C12orf42: variants seen among roughly 807,000 people sequenced by gnomAD.
C12orf42 encodes uncharacterized protein C12orf42.
C12orf42 carries 25 observed loss-of-function variants against 21.6 expected under a neutral mutation model. That is an observed-to-expected ratio of 1.16 (90% CI 0.84 to 1.62). C12orf42 has a LOEUF of 1.62. C12orf42 is among the 40% of genes most tolerant of loss of function. C12orf42 has a pLI of 0.00. For synonymous variants in C12orf42, 174 were observed against 175.0 expected (o/e 0.99, Z 0.05); for missense variants, 483 against 459.3 (o/e 1.05, Z -0.47).
the C12orf42 span, among the ~76,000 whole-genome samples, chr12:103,210,639 C>CTTTCT: frequency 2.6e-5 from 2 of 77,640 alleles, no homozygotes; most frequent in Admixed American, 1.5e-4. Flanking sequence ...CCCTCTATTT[C>CTTTCT]TTTTTTTTTT....
At chr12:103,528,116 G>A in the C12orf42 span, among the ~76,000 whole-genome samples, 161 of 152,276 alleles carry the variant, frequency 1.1e-3, 1 homozygote, top group African/African-American at 3.6e-3. Context: ...GATTTCATGG[G>A]ATGAATGAAT....
At chr12:103,149,051 G>C in the C12orf42 span, among the ~76,000 whole-genome samples, 1 of 152,104 alleles carries the variant, frequency 6.6e-6, no homozygotes, top group Non-Finnish European at 1.5e-5. Context: ...TAGAGGGTCA[G>C]GTGGCCCACA....
intron 4 of C12orf42, among the ~76,000 whole-genome samples, chr12:103,344,256 T>C (rs1016660902): frequency 6.6e-6 from 1 of 152,196 alleles, no homozygotes; most frequent in African/African-American, 2.4e-5. Context: ...ATTAATCTAA[T>C]TCAAACTTCC....
At chr12:103,301,794 CAA>C (rs1196119771), downstream of C12orf42, 1 of 259,626 alleles carries the variant, frequency 3.9e-6, no homozygotes, top group Non-Finnish European at 7.2e-6. Context: ...GAAAGCAAAA[CAA>C]AGAGGGGTCC....
At chr12:103,192,370 G>T in the C12orf42 span, among the ~76,000 whole-genome samples, 9 of 152,162 alleles carry the variant, frequency 5.9e-5, no homozygotes, top group Non-Finnish European at 1.5e-5. Flanking sequence ...GGGTGTGGTG[G>T]AGTGTGCCTG....
chr12:103,359,338 T>C (rs1853255280), intron 4 of C12orf42, among the ~76,000 whole-genome samples: 1 of 152,074 alleles, frequency 6.6e-6, no homozygotes, highest in Admixed American at 6.6e-5. Flanking sequence ...TTTGTAACCA[T>C]TATCAAAATT....
chr12:103,457,165 T>C (rs1952355245), intron 2 of C12orf42, among the ~76,000 whole-genome samples: 1 of 152,110 alleles, frequency 6.6e-6, no homozygotes, highest in African/African-American at 2.4e-5. Flanking sequence ...ACTGGAATTA[T>C]TTATTTATTT....
the C12orf42 span, among the ~76,000 whole-genome samples, chr12:103,085,699 A>G: frequency 1.3e-5 from 2 of 152,270 alleles, no homozygotes; most frequent in South Asian, 2.1e-4. Context: ...GAAACCATTA[A>G]TTTTACTATG....
chr12:103,436,167 G>A (rs1174712107), intron 2 of C12orf42, among the ~76,000 whole-genome samples: 1 of 150,568 alleles, frequency 6.6e-6, no homozygotes, highest in Non-Finnish European at 1.5e-5. Context: ...CATAAGTGAA[G>A]GAGAAATAAA....
chr12:103,321,066 A>C (rs979513439), intron 4 of C12orf42, among the ~76,000 whole-genome samples: 3 of 152,206 alleles, frequency 2.0e-5, no homozygotes, highest in Non-Finnish European at 4.4e-5. Context: ...TTTTTTTAAA[A>C]ATTTCTGGTT....
At chr12:103,269,534 A>G (rs759071140) in intron 6 of C12orf42, among the ~76,000 whole-genome samples, 1 of 152,202 alleles carries the variant, frequency 6.6e-6, no homozygotes, top group Non-Finnish European at 1.5e-5. Context: ...TTCTGTTATC[A>G]ATCACAAATT....
chr12:103,548,714 C>T, the C12orf42 span: 1 of 152,138 alleles, frequency 6.6e-6, no homozygotes, highest in Non-Finnish European at 1.5e-5. Context: ...GCATAACAGT[C>T]GTGATTAACG....
chr12:103,200,245 A>G, the C12orf42 span, among the ~76,000 whole-genome samples: 2 of 152,320 alleles, frequency 1.3e-5, no homozygotes, highest in East Asian at 3.9e-4. Context: ...GGCAAATACT[A>G]CATGACACCC....
At chr12:103,220,866 A>T in the C12orf42 span, among the ~76,000 whole-genome samples, 2 of 152,232 alleles carry the variant, frequency 1.3e-5, no homozygotes, top group Non-Finnish European at 2.9e-5. Flanking sequence ...CTCAAGGAAG[A>T]TTCCCTGTCA....
chr12:103,414,383 C>G (rs1029737837), intron 2 of C12orf42, among the ~76,000 whole-genome samples: 2 of 152,028 alleles, frequency 1.3e-5, no homozygotes, highest in South Asian at 4.2e-4. Flanking sequence ...TTCTGGATAC[C>G]AGTCCTTTCC....
rs191788164 is a variant in C12orf42, at chr12:103,381,745, G to A, written c.148-12747C>T. Among the ~76,000 whole-genome samples the A allele has an allele frequency of 4.7e-3, 718 of 152,132 alleles. 6 individuals carry two copies. Among genetic ancestry groups the A allele is most frequent in the Non-Finnish European group, 4.3e-3 (289 of 67,984 alleles). On this transcript the variant is annotated intron_variant, in intron 3 of 5. Coordinates refer to ENST00000548883, the MANE Select transcript of C12orf42 (RefSeq NM_198521.5). ...ATCCTGGCTAACATGGTGAAACCCC[G>A]TCTCTACTAAAAATATAAAAAATTA...
At chr12:103,432,712 G>A (rs557600116) in intron 2 of C12orf42, among the ~76,000 whole-genome samples, 32 of 152,216 alleles carry the variant, frequency 2.1e-4, no homozygotes, top group African/African-American at 7.0e-4. Context: ...TAGATAAGTT[G>A]GTACAGGTGG....
At chr12:103,342,299 A>C (rs145462487) in intron 4 of C12orf42, among the ~76,000 whole-genome samples, 34 of 152,318 alleles carry the variant, frequency 2.2e-4, no homozygotes, top group African/African-American at 8.2e-4. Flanking sequence ...GAAGACTTCA[A>C]CTTTTACACC....
the C12orf42 span, among the ~76,000 whole-genome samples, chr12:103,094,159 A>G: frequency 6.6e-6 from 1 of 152,192 alleles, no homozygotes; most frequent in Non-Finnish European, 1.5e-5. Flanking sequence ...TTTTATGACC[A>G]TCTTACTTAT....
Sources: allele counts gnomAD v4.1 joint callset (sites outside exome capture counted in the v4.1 genomes callset), GRCh38; gene constraint gnomAD v4.1.1; transcripts MANE v1.5; gene names NCBI Gene and HGNC (gene_info 2026-07-23, HGNC 2026-07-21).